The following CCDC7 variants were observed in gnomAD, a reference collection of about 807,000 sequenced individuals.
The protein encoded by CCDC7 is coiled-coil domain containing 7.
Under a neutral mutation model 196.9 loss-of-function variants are expected in CCDC7, and 183 were observed. The observed-to-expected ratio is 0.93, with a 90% CI of 0.82 to 1.05. The LOEUF is 1.05. CCDC7 is among the 50% of genes least tolerant of loss of function. The probability of loss-of-function intolerance (pLI) is 0.00; values close to 1 mark genes in which losing one functional copy is unlikely to be tolerated. For missense variants in CCDC7, 1,540 were observed against 1,482.2 expected (o/e 1.04, Z -0.64); for synonymous variants, 525 against 484.6 (o/e 1.08, Z -1.10).
intron 11 of CCDC7, among the ~76,000 whole-genome samples, chr10:32,537,699 T>C (rs2050747773): frequency 6.6e-6 from 1 of 152,162 alleles, no homozygotes. Flanking sequence ...ACAGTTTCAG[T>C]CTTCTGCATA....
chr10:32,874,753 T>TACACACACACACACACAC lies in CCDC7; in HGVS notation c.4112-1580_4112-1563dup, dbSNP rs3035173. On this transcript the variant is annotated intron_variant, in intron 41 of 41. Transcript: ENST00000639629. ...ATATATACACACACACCAACATATC[T>TACACACACACACACACAC]ACACACACACACACACACACACACA... 2.1e-3 allele frequency among the ~76,000 whole-genome samples: 302 copies of TACACACACACACACACAC among 145,336 alleles called. 4 individuals are homozygous for TACACACACACACACACAC. The highest frequency in any genetic ancestry group is 8.6e-3 in the East Asian group (42 of 4,870).
intron 18 of CCDC7, among the ~76,000 whole-genome samples, chr10:32,627,655 A>G (rs10827086): frequency 0.14 from 20,954 of 151,738 alleles, 1,747 homozygotes; most frequent in East Asian, 0.25. Flanking sequence ...CTTGTCATAT[A>G]TGGCCTTTAT....
chr10:32,789,241 A>G (rs2082320914), intron 29 of CCDC7, among the ~76,000 whole-genome samples: 1 of 152,200 alleles, frequency 6.6e-6, no homozygotes, highest in African/African-American at 2.4e-5. Context: ...AAAGAGCACT[A>G]GTAATTGACC....
At position 32,832,427 on chromosome 10, in the gene CCDC7, C is replaced by T. The variant is rs74362049; in HGVS notation, c.3269-2388C>T. On this transcript the variant is annotated intron_variant, in intron 32 of 41. Coordinates refer to ENST00000639629, the Ensembl canonical transcript of CCDC7. The stretch of plus-strand genomic sequence containing the variant: ...CTGAGGCAGGAGAATCGCTTGAACC[C>T]GGGAGGTGGAGTTTGCAGTGAGCCA... 9.9e-4 allele frequency among the ~76,000 whole-genome samples: 150 copies of T among 151,942 alleles called. 2 individuals are homozygous for T. In the East Asian group the frequency reaches 0.025, roughly 25 times the overall value.
intron 21 of CCDC7, among the ~76,000 whole-genome samples, chr10:32,680,411 C>T: frequency 6.7e-6 from 1 of 150,174 alleles, no homozygotes; most frequent in East Asian, 1.9e-4. Context: ...CCCATAGGGA[C>T]ACACATATGT....
chr10:32,867,506 A>C (rs1247806601), intron 41 of CCDC7, among the ~76,000 whole-genome samples: 1 of 151,202 alleles, frequency 6.6e-6, no homozygotes, highest in Non-Finnish European at 1.5e-5. Flanking sequence ...TCCCTTCTAG[A>C]ATTCTTTCAG....
At chr10:32,803,701 T>C in intron 29 of CCDC7, among the ~76,000 whole-genome samples, 1 of 152,180 alleles carries the variant, frequency 6.6e-6, no homozygotes, top group Non-Finnish European at 1.5e-5. Flanking sequence ...TCTGTCTATA[T>C]CTTTTAATTC....
At chr10:32,858,169 A>C (rs2093828819) in intron 41 of CCDC7, among the ~76,000 whole-genome samples, 3 of 152,200 alleles carry the variant, frequency 2.0e-5, no homozygotes, top group Admixed American at 2.0e-4. Context: ...GAACATTTCG[A>C]GGTGGCTTCA....
chr10:32,697,624 G>T (rs1432885159), intron 24 of CCDC7, among the ~76,000 whole-genome samples: 6 of 152,136 alleles, frequency 3.9e-5, no homozygotes, highest in Non-Finnish European at 8.8e-5. Context: ...GATGGGGGAG[G>T]GGCATCTGCC....
At chr10:32,494,236 A>G (rs759975559) in intron 9 of CCDC7, among the ~76,000 whole-genome samples, 1 of 152,092 alleles carries the variant, frequency 6.6e-6, no homozygotes, top group Non-Finnish European at 1.5e-5. Flanking sequence ...TAAGGACCCT[A>G]TTTCATTCTT....
chr10:32,461,744 TATATATAC>T (rs1310144481), intron 3 of CCDC7, among the ~76,000 whole-genome samples: 5,396 of 68,394 alleles, frequency 0.079, 143 homozygotes, highest in Non-Finnish European at 0.096. Context: ...TATATATATA[TATATATAC>T]ATATATATAT....
chr10:32,582,561 T>C (rs1377843465), intron 16 of CCDC7, among the ~76,000 whole-genome samples: 1 of 152,102 alleles, frequency 6.6e-6, no homozygotes, highest in Non-Finnish European at 1.5e-5. Context: ...AGAGAATAAA[T>C]ACCCCTTATC....
At chr10:32,744,922 T>A (rs2074459315) in intron 28 of CCDC7, among the ~76,000 whole-genome samples, 1 of 152,226 alleles carries the variant, frequency 6.6e-6, no homozygotes. Flanking sequence ...ATCTTTTATA[T>A]TATCTTCTAG....
At chr10:32,448,685 T>C (rs142496155), upstream of CCDC7, among the ~76,000 whole-genome samples, 6,286 of 152,156 alleles carry the variant, frequency 0.041, 137 homozygotes, top group Middle Eastern at 0.051. Context: ...AAAATCCTAT[T>C]ATTGGTCTCT....
chr10:32,477,533 GTCTATGTCTAGA>G (rs2039222758), intron 8 of CCDC7, among the ~76,000 whole-genome samples: 4 of 151,434 alleles, frequency 2.6e-5, no homozygotes, highest in Admixed American at 2.0e-4. Flanking sequence ...GAACTGTAAA[GTCTATGTCTAGA>G]GTCATTGTTT....
intron 41 of CCDC7, among the ~76,000 whole-genome samples, chr10:32,858,922 T>A (rs1276769752): frequency 6.6e-6 from 1 of 152,148 alleles, no homozygotes; most frequent in African/African-American, 2.4e-5. Context: ...ATAAAAAAAG[T>A]TCTTAGAGAC....
At chr10:32,446,803 T>C (rs1474311953), upstream of CCDC7, among the ~76,000 whole-genome samples, 1 of 152,122 alleles carries the variant, frequency 6.6e-6, no homozygotes, top group East Asian at 1.9e-4. Context: ...CGAGTATTCA[T>C]TGCGTGTGAC....
intron 3 of CCDC7, among the ~76,000 whole-genome samples, chr10:32,461,356 A>C (rs1005037334): frequency 4.6e-5 from 7 of 152,148 alleles, no homozygotes; most frequent in Non-Finnish European, 7.4e-5. Flanking sequence ...CTATTTTATA[A>C]GGAAGTGTTG....
intron 8 of CCDC7, among the ~76,000 whole-genome samples, chr10:32,476,579 G>A (rs975217075): frequency 6.8e-6 from 1 of 148,034 alleles, no homozygotes; most frequent in Non-Finnish European, 1.5e-5. Flanking sequence ...AAACACAAAG[G>A]AGCATGACTG....
Sources: allele counts gnomAD v4.1 joint callset (sites outside exome capture counted in the v4.1 genomes callset), GRCh38; gene constraint gnomAD v4.1.1; transcripts MANE v1.5; gene names NCBI Gene and HGNC (gene_info 2026-07-23, HGNC 2026-07-21).